MRPL34: variants seen among roughly 807,000 people sequenced by gnomAD.
MRPL34 encodes large ribosomal subunit protein bL34m.
Under a neutral mutation model 6.7 loss-of-function variants are expected in MRPL34, and 8 were observed. The ratio of observed to expected loss-of-function variants is 1.20; its 90% CI spans 0.70 to 2.16. MRPL34 has a LOEUF of 2.16. MRPL34 is among the 30% of genes most tolerant of loss of function. MRPL34 has a pLI of 0.00. For missense variants in MRPL34, 146 were observed against 125.5 expected (o/e 1.16, Z -0.78); for synonymous variants, 59 against 55.1 (o/e 1.07, Z -0.31).
At chr19:17,305,568 C>A (rs1341931944), upstream of MRPL34, 3 of 326,368 alleles carry the variant, frequency 9.2e-6, no homozygotes, top group South Asian at 2.8e-5. Context: ...CGCGGGGCAC[C>A]CTCTGCCGGT....
chr19:17,305,724 G>A, upstream of MRPL34: 1 of 715,134 alleles, frequency 1.4e-6, no homozygotes, highest in Non-Finnish European at 2.5e-6. Flanking sequence ...ATATAGACTG[G>A]CGCGCCTCTG....
upstream of MRPL34, among the ~76,000 whole-genome samples, chr19:17,299,560 CAAAAAA>C (rs567760409): frequency 3.9e-5 from 2 of 51,506 alleles, no homozygotes; most frequent in African/African-American, 7.9e-5. Context: ...GACTCCATCT[CAAAAAA>C]AAAAAAAAAA....
At chr19:17,294,859 G>A in intron 1 of MRPL34, 2 of 1,611,552 alleles carry the variant, frequency 1.2e-6, no homozygotes, top group Non-Finnish European at 1.7e-6. Context: ...CCCGGAACGG[G>A]TGGGGTGATA....
At chr19:17,303,843 A>G (rs1485680406), upstream of MRPL34, among the ~76,000 whole-genome samples, 1 of 152,208 alleles carries the variant, frequency 6.6e-6, no homozygotes, top group Non-Finnish European at 1.5e-5. Flanking sequence ...CCGGTGGGGA[A>G]ACTGAGGCTC....
upstream of MRPL34, among the ~76,000 whole-genome samples, chr19:17,299,238 C>CG (rs1555720792): frequency 7.1e-6 from 1 of 140,016 alleles, no homozygotes; most frequent in Non-Finnish European, 1.6e-5. Context: ...AATGAGACCC[C>CG]CCCCCCATTC....
At chr19:17,294,824 C>T (rs750832474) in intron 1 of MRPL34, 3 of 1,613,936 alleles carry the variant, frequency 1.9e-6, no homozygotes, top group Non-Finnish European at 2.5e-6. Flanking sequence ...ACTCATGTGC[C>T]AGGAATGTGC....
chr19:17,305,680 T>TG, upstream of MRPL34: 1 of 603,108 alleles, frequency 1.7e-6, no homozygotes, highest in East Asian at 2.8e-5. Context: ...GGCTACCTGT[T>TG]GGTGTGTATG....
chr19:17,296,718 G>A (rs1470517958), intron 1 of MRPL34: 1 of 141,518 alleles, frequency 7.1e-6, no homozygotes, highest in Non-Finnish European at 1.5e-5. Context: ...TTTTTGAGAT[G>A]GAGTCCTGCT....
chr19:17,301,301 C>G (rs773559603), upstream of MRPL34: 2 of 1,607,292 alleles, frequency 1.2e-6, no homozygotes, highest in East Asian at 2.2e-5. Context: ...CCATTCTGCC[C>G]GTGTAGGAGG....
At chr19:17,295,762 C>T (rs1448812495) in intron 1 of MRPL34, among the ~76,000 whole-genome samples, 1 of 152,128 alleles carries the variant, frequency 6.6e-6, no homozygotes, top group Non-Finnish European at 1.5e-5. Context: ...TGGAGTGGTG[C>T]GGTGGCGTAA....
At chr19:17,292,793 G>A (rs2074076924) in exon 1 of MRPL34, 2 of 1,612,880 alleles carry the variant, frequency 1.2e-6, no homozygotes, top group African/African-American at 1.3e-5. Flanking sequence ...CCATGTGGCT[G>A]CCCTCGTCGA....
At chr19:17,297,930 T>C (rs1400254642), upstream of MRPL34, 4 of 150,272 alleles carry the variant, frequency 2.7e-5, no homozygotes, top group South Asian at 8.5e-4. Context: ...TTTTTTTTTT[T>C]TTGAGATGGA....
upstream of MRPL34, among the ~76,000 whole-genome samples, chr19:17,305,360 C>T (rs1184982401): frequency 6.6e-6 from 1 of 151,724 alleles, no homozygotes; most frequent in African/African-American, 2.4e-5. Context: ...TGAGAAAGCC[C>T]AGAGTGGCGC....
chr19:17,294,532 C>G (rs1447342872), intron 1 of MRPL34: 1 of 1,613,044 alleles, frequency 6.2e-7, no homozygotes, highest in Non-Finnish European at 8.5e-7. Flanking sequence ...ACCGCTAGAG[C>G]CCCTTATGCC....
rs1401364143 is a variant in MRPL34 at position 17,306,430 on chromosome 19, G to A, written c.*51G>A. On this transcript the variant is annotated 3_prime_UTR_variant, in exon 2 of 2. Coordinates refer to ENST00000252602, the MANE Select transcript of MRPL34 (RefSeq NM_023937.4). Reference sequence around the variant, plus strand: ...CTCATGGAAGCATCGCCCTCGCCTCGGACCTTGCCTGGCGCTATTTTTGCA... The same window carrying A: ...CTCATGGAAGCATCGCCCTCGCCTCAGACCTTGCCTGGCGCTATTTTTGCA... The A allele has an allele frequency of 2.0e-6, 3 of 1,474,066 alleles. No homozygotes were observed. Among genetic ancestry groups the A allele is most frequent in the Admixed American group, 2.4e-5 (1 of 40,902 alleles). 91.3% of individuals were successfully genotyped at this position (1,474,066 alleles called of 1,614,324 possible). A position where few individuals can be genotyped will look rare whatever the true frequency, so the allele number is the denominator to read the frequency against.
upstream of MRPL34, chr19:17,301,169 G>A: frequency 6.2e-7 from 1 of 1,606,678 alleles, no homozygotes; most frequent in Non-Finnish European, 8.5e-7. Flanking sequence ...CGCCTGGCTC[G>A]CCGCCGCCGC....
upstream of MRPL34, among the ~76,000 whole-genome samples, chr19:17,301,776 T>TGTG (rs2074120652): frequency 3.4e-5 from 5 of 147,462 alleles, no homozygotes; most frequent in East Asian, 6.0e-4. Context: ...ATTTTTTTGT[T>TGTG]TGTGTGTGTG....
chr19:17,292,915 A>G, intron 1 of MRPL34: 2 of 1,443,190 alleles, frequency 1.4e-6, no homozygotes, highest in Non-Finnish European at 1.9e-6. Flanking sequence ...CCATACACAC[A>G]TGGCCCACAG....
chr19:17,293,436 G>A (rs528756290), intron 1 of MRPL34, among the ~76,000 whole-genome samples: 2 of 130,230 alleles, frequency 1.5e-5, no homozygotes, highest in South Asian at 5.4e-4. Context: ...ACCAACATTA[G>A]GAGCTGGATC....
Sources: gnomAD v4.1 joint callset for allele counts (sites outside exome capture counted in the v4.1 genomes callset) on GRCh38, gnomAD v4.1.1 for gene constraint, MANE v1.5 for transcripts, NCBI Gene and HGNC (gene_info 2026-07-23, HGNC 2026-07-21) for gene names.